The following ROR1 variants were observed in gnomAD, a reference collection of about 807,000 sequenced individuals.
ROR1 encodes inactive tyrosine-protein kinase transmembrane receptor ROR1.
A neutral mutation model predicts 78.8 loss-of-function variants in ROR1; 19 were observed. The observed-to-expected ratio is 0.24, with a 90% CI of 0.17 to 0.35. The LOEUF (loss-of-function observed/expected upper bound fraction) is 0.35. ROR1 is among the 10% of genes least tolerant of loss of function. The pLI, the probability that ROR1 is intolerant of heterozygous loss-of-function variation, is 1.00. For synonymous variants in ROR1, 386 were observed against 433.6 expected (o/e 0.89, Z 1.36); for missense variants, 917 against 1,177.8 (o/e 0.78, Z 3.24).
intron 1 of ROR1, among the ~76,000 whole-genome samples, chr1:63,971,656 A>G (rs917875491): frequency 2.0e-5 from 3 of 152,200 alleles, no homozygotes; most frequent in African/African-American, 7.2e-5. Context: ...GCCAAGTTTA[A>G]AGATTGCTGC....
At chr1:64,053,093 T>C (rs1177494875) in intron 4 of ROR1, among the ~76,000 whole-genome samples, 1 of 152,208 alleles carries the variant, frequency 6.6e-6, no homozygotes, top group African/African-American at 2.4e-5. Flanking sequence ...TAAAGGTTGT[T>C]TGTCAAATTG....
chr1:63,863,838 G>T (rs997323120), intron 1 of ROR1, among the ~76,000 whole-genome samples: 2 of 151,362 alleles, frequency 1.3e-5, no homozygotes, highest in African/African-American at 4.9e-5. Flanking sequence ...TTAACCAAAT[G>T]GTCAACTTTG....
chr1:63,774,590 A>G lies in ROR1; in HGVS notation c.91+82A>G, dbSNP rs1644601365. 8.1e-6 allele frequency: 6 copies of G among 743,518 alleles called. No homozygotes were observed. The highest frequency in any genetic ancestry group is 1.6e-6 in the Non-Finnish European group (1 of 608,744). The allele number at this position is 743,518 out of a possible 1,614,324, so 46.1% of individuals were successfully genotyped here. A position where few individuals can be genotyped will look rare whatever the true frequency, so the allele number is the denominator to read the frequency against. On this transcript the variant is annotated intron_variant, in intron 1 of 8. Coordinates refer to ENST00000371079, the MANE Select transcript of ROR1 (RefSeq NM_005012.4). The surrounding 1 kb of genome is among the most constrained non-coding windows in gnomAD (Gnocchi z 5.7). Reference sequence around the variant, plus strand: ...TCCGCCGTCCAGCCGGGCGCGGGACACGCAGGAAGCGCCGCGCTGGCTCCG... The same window carrying G: ...TCCGCCGTCCAGCCGGGCGCGGGACGCGCAGGAAGCGCCGCGCTGGCTCCG...
chr1:64,009,727 C>T (rs893082186), intron 2 of ROR1, among the ~76,000 whole-genome samples: 4 of 152,124 alleles, frequency 2.6e-5, no homozygotes, highest in Non-Finnish European at 5.9e-5. Flanking sequence ...TTCATCAGAG[C>T]TGTTTGCTCG....
intron 1 of ROR1, among the ~76,000 whole-genome samples, chr1:63,966,054 G>GTGTCA (rs1646072454): frequency 6.6e-6 from 1 of 152,208 alleles, no homozygotes; most frequent in South Asian, 2.1e-4. Flanking sequence ...GTTAGAGCTT[G>GTGTCA]GGTGTAGTGC....
At chr1:63,845,877 T>C (rs1645077272) in intron 1 of ROR1, among the ~76,000 whole-genome samples, 1 of 152,134 alleles carries the variant, frequency 6.6e-6, no homozygotes, top group Non-Finnish European at 1.5e-5. Context: ...TGTAGAGATT[T>C]AGTAATTTAT....
intron 2 of ROR1, among the ~76,000 whole-genome samples, chr1:64,017,996 A>G (rs1309295192): frequency 6.6e-6 from 1 of 151,512 alleles, no homozygotes; most frequent in East Asian, 1.9e-4. Context: ...GCTTTTTCCC[A>G]GGCTGTTTTT....
At chr1:63,790,608 C>T (rs151305305) in intron 1 of ROR1, among the ~76,000 whole-genome samples, 8 of 152,282 alleles carry the variant, frequency 5.3e-5, no homozygotes, top group South Asian at 4.1e-4. Context: ...TCTCCTTTTT[C>T]GTGTGGACTG....
chr1:63,862,620 T>A (rs1394510337), intron 1 of ROR1, among the ~76,000 whole-genome samples: 2 of 152,056 alleles, frequency 1.3e-5, no homozygotes, highest in African/African-American at 4.8e-5. Flanking sequence ...GTTCCATGGC[T>A]CCTTGTTAAT....
intron 1 of ROR1, among the ~76,000 whole-genome samples, chr1:63,997,822 A>G (rs528166099): frequency 7.8e-6 from 1 of 128,912 alleles, no homozygotes; most frequent in African/African-American, 2.6e-5. Flanking sequence ...TTCTGTATCT[A>G]TGATTAGTGT....
chr1:64,114,771 G>T (rs141835776), intron 4 of ROR1, among the ~76,000 whole-genome samples: 128 of 152,254 alleles, frequency 8.4e-4, no homozygotes, highest in Admixed American at 7.6e-3. Flanking sequence ...ATTCCTAGCA[G>T]GGACCATGAA....
Position 64,089,974 on chromosome 1 carries a change from A to G in ROR1, c.482+39258A>G, listed in dbSNP as rs183190820. Among the ~76,000 whole-genome samples, 17 of 152,128 alleles carry G rather than the reference A, an allele frequency of 1.1e-4. No homozygotes were observed. The South Asian group carries it at 3.1e-3, about 28-fold the overall frequency. ...TTCTCATTCCCTTTTGCCTGCCACC[A>G]TGTAAGACACTTGGTTCTCATTCCC... On this transcript the variant is annotated intron_variant, in intron 4 of 8. Transcript: ENST00000371079.
chr1:64,129,280 C>A (rs1471665996), intron 4 of ROR1, among the ~76,000 whole-genome samples: 1 of 152,152 alleles, frequency 6.6e-6, no homozygotes, highest in East Asian at 1.9e-4. Context: ...ACCACTCTTT[C>A]CACAAACCTT....
intron 4 of ROR1, among the ~76,000 whole-genome samples, chr1:64,067,550 C>T (rs918833267): frequency 1.4e-5 from 2 of 147,880 alleles, no homozygotes; most frequent in East Asian, 4.1e-4. Context: ...TTCAAATATA[C>T]TCAATTTTCT....
intron 8 of ROR1, among the ~76,000 whole-genome samples, chr1:64,167,478 G>A (rs1003569919): frequency 6.6e-6 from 1 of 152,314 alleles, no homozygotes; most frequent in East Asian, 1.9e-4. Context: ...TAAGCCAGAA[G>A]GCACTTAATC....
chr1:64,174,476 C>T (rs1650323524), intron 8 of ROR1, among the ~76,000 whole-genome samples: 1 of 152,110 alleles, frequency 6.6e-6, no homozygotes. Flanking sequence ...GCCATACTGC[C>T]TATGGATACT....
chr1:64,013,917 T>C (rs912921797), intron 2 of ROR1, among the ~76,000 whole-genome samples: 21 of 152,254 alleles, frequency 1.4e-4, no homozygotes, highest in Admixed American at 1.4e-3. Context: ...ATCCCAGTTA[T>C]GGTGTGTAAA....
chr1:63,960,055 A>G (rs1409260100), intron 1 of ROR1, among the ~76,000 whole-genome samples: 2 of 152,230 alleles, frequency 1.3e-5, no homozygotes, highest in African/African-American at 4.8e-5. Flanking sequence ...GACAGCATGT[A>G]TCACACTGGG....
chr1:63,972,716 G>T (rs1646128509), intron 1 of ROR1, among the ~76,000 whole-genome samples: 1 of 152,058 alleles, frequency 6.6e-6, no homozygotes, highest in Non-Finnish European at 1.5e-5. Flanking sequence ...AAAGTAATGG[G>T]GACTCTTGCT....
Sources: allele counts gnomAD v4.1 joint callset (sites outside exome capture counted in the v4.1 genomes callset), GRCh38; gene constraint gnomAD v4.1.1; non-coding constraint Gnocchi (gnomAD v3.1); transcripts MANE v1.5; gene names NCBI Gene and HGNC (gene_info 2026-07-23, HGNC 2026-07-21).